LRRC8D: variants seen among roughly 807,000 people sequenced by gnomAD.
LRRC8D encodes the protein leucine rich repeat containing 8 VRAC subunit D.
Under a neutral mutation model 55.8 loss-of-function variants are expected in LRRC8D, and 20 were observed. The ratio of observed to expected loss-of-function variants is 0.36; its 90% CI spans 0.25 to 0.52. The LOEUF is 0.52. LRRC8D is among the 20% of genes least tolerant of loss of function. LRRC8D has a pLI of 0.93. For missense variants in LRRC8D, 651 were observed against 1,030.8 expected, an observed-to-expected ratio of 0.63 and a Z score of 5.05; for synonymous variants, 352 against 377.0, an observed-to-expected ratio of 0.93 and a Z score of 0.77.
rs57153222 is a variant in LRRC8D at position 89,897,006 on chromosome 1, T to C, written c.-2-36061T>C. ...TTTTGCAGATGGGGGTGCTGATTGA[T>C]ATTCAGAGAGTTAAATAATTTACTT... is the stretch of plus-strand genomic sequence containing the variant. On this transcript the variant is annotated intron_variant, in intron 2 of 2. Transcript: ENST00000337338. 7.2e-3 allele frequency among the ~76,000 whole-genome samples: 1,103 copies of C among 152,278 alleles called. 12 individuals are homozygous for C. The highest frequency in any genetic ancestry group is 0.026 in the African/African-American group (1,072 of 41,544).
intron 2 of LRRC8D, among the ~76,000 whole-genome samples, chr1:89,844,177 A>G (rs1193638069): frequency 1.3e-5 from 2 of 152,096 alleles, no homozygotes; most frequent in Non-Finnish European, 2.9e-5. Context: ...CATACACATA[A>G]ATGTCCTGGG....
At chr1:89,885,482 C>G (rs1352360532) in intron 2 of LRRC8D, among the ~76,000 whole-genome samples, 1 of 152,174 alleles carries the variant, frequency 6.6e-6, no homozygotes, top group Non-Finnish European at 1.5e-5. Flanking sequence ...AATTAATATC[C>G]TGACAGTGTT....
intron 1 of LRRC8D, among the ~76,000 whole-genome samples, chr1:89,829,613 A>C (rs542999269): frequency 3.3e-5 from 5 of 152,208 alleles, no homozygotes; most frequent in Non-Finnish European, 7.4e-5. Flanking sequence ...GAAAAAGAGA[A>C]TCAGGTTTTG....
At chr1:89,896,682 C>T (rs1662721870) in intron 2 of LRRC8D, among the ~76,000 whole-genome samples, 1 of 152,136 alleles carries the variant, frequency 6.6e-6, no homozygotes, top group South Asian at 2.1e-4. Context: ...AGGACAGAGT[C>T]CAGTCTAAGA....
intron 1 of LRRC8D, among the ~76,000 whole-genome samples, chr1:89,822,630 A>G (rs961701195): frequency 3.3e-5 from 5 of 152,132 alleles, no homozygotes; most frequent in Non-Finnish European, 7.3e-5. Flanking sequence ...GTTTGCAGTA[A>G]TGATGAGGGC....
chr1:89,890,768 G>T (rs2816862), intron 2 of LRRC8D, among the ~76,000 whole-genome samples: 50,868 of 152,134 alleles, frequency 0.33, 9,118 homozygotes, highest in African/African-American at 0.45. Flanking sequence ...GAAACCTTAT[G>T]CAAGTTTTGC....
intron 2 of LRRC8D, among the ~76,000 whole-genome samples, chr1:89,921,956 C>T (rs1236410465): frequency 2.0e-5 from 3 of 152,168 alleles, no homozygotes; most frequent in African/African-American, 7.2e-5. Flanking sequence ...CACCAAGCTA[C>T]CCACATTTAC....
chr1:89,882,843 G>T (rs1464083293), intron 2 of LRRC8D, among the ~76,000 whole-genome samples: 1 of 152,168 alleles, frequency 6.6e-6, no homozygotes, highest in Non-Finnish European at 1.5e-5. Flanking sequence ...AAAAGAAGAG[G>T]CATGCCAAAC....
intron 1 of LRRC8D, among the ~76,000 whole-genome samples, chr1:89,828,135 G>A (rs1337694057): frequency 6.6e-6 from 1 of 152,182 alleles, no homozygotes; most frequent in Non-Finnish European, 1.5e-5. Flanking sequence ...AAATGGGTTT[G>A]AAACATTTGT....
At chr1:89,856,323 ATCTC>A (rs201416981) in intron 2 of LRRC8D, among the ~76,000 whole-genome samples, 3 of 151,878 alleles carry the variant, frequency 2.0e-5, no homozygotes, top group Non-Finnish European at 1.5e-5. Flanking sequence ...TGCTACAGTA[ATCTC>A]TCTCTCTCAC....
At chr1:89,864,391 C>G (rs1317521321) in intron 2 of LRRC8D, among the ~76,000 whole-genome samples, 1 of 152,140 alleles carries the variant, frequency 6.6e-6, no homozygotes, top group Non-Finnish European at 1.5e-5. Context: ...TGTAATTCTT[C>G]CTTCATCTGA....
At chr1:89,828,637 G>A (rs1044362646) in intron 1 of LRRC8D, among the ~76,000 whole-genome samples, 9 of 152,124 alleles carry the variant, frequency 5.9e-5, no homozygotes, top group Non-Finnish European at 1.2e-4. Context: ...GAAATCAAAA[G>A]TCTGGGAACT....
intron 2 of LRRC8D, among the ~76,000 whole-genome samples, chr1:89,887,590 T>C (rs1404958656): frequency 2.0e-5 from 3 of 152,238 alleles, no homozygotes; most frequent in African/African-American, 7.2e-5. Flanking sequence ...ACTAAACTAG[T>C]TATCTTTCCC....
At chr1:89,827,412 G>T (rs540700086) in intron 1 of LRRC8D, among the ~76,000 whole-genome samples, 1 of 151,690 alleles carries the variant, frequency 6.6e-6, no homozygotes, top group African/African-American at 2.4e-5. Flanking sequence ...TTTTCACTGT[G>T]TTTTTTCCCC....
rs184639992 is a variant in LRRC8D, at chr1:89,919,600, A to G, written c.-2-13467A>G. Among the ~76,000 whole-genome samples the G allele has an allele frequency of 1.1e-3, 174 of 152,336 alleles. 1 individual carries two copies. Among genetic ancestry groups the G allele is most frequent in the African/African-American group, 4.1e-3 (169 of 41,592 alleles). On this transcript the variant is annotated intron_variant, in intron 2 of 2. Transcript: ENST00000337338. ...TAAAAATGCAAGCAAAGCTCCCATT[A>G]CAAATCCTACTAACTGTCTCATAAA...
chr1:89,844,696 T>C (rs1557446847), intron 2 of LRRC8D, among the ~76,000 whole-genome samples: 2 of 152,264 alleles, frequency 1.3e-5, no homozygotes, highest in East Asian at 3.9e-4. Context: ...GCTACAGACG[T>C]TTTGCATCTT....
intron 1 of LRRC8D, among the ~76,000 whole-genome samples, chr1:89,838,810 T>C (rs765326153): frequency 1.3e-5 from 2 of 152,236 alleles, no homozygotes; most frequent in South Asian, 2.1e-4. Context: ...ATCAGTCTTA[T>C]TATTTTATAA....
At chr1:89,842,214 G>A (rs866961077) in intron 1 of LRRC8D, among the ~76,000 whole-genome samples, 39 of 130,556 alleles carry the variant, frequency 3.0e-4, no homozygotes, top group Non-Finnish European at 3.5e-4. Context: ...CTCTGTCTCA[G>A]AAAAAAAAAA....
chr1:89,866,519 C>G (rs902386006), intron 2 of LRRC8D, among the ~76,000 whole-genome samples: 1 of 152,236 alleles, frequency 6.6e-6, no homozygotes, highest in Non-Finnish European at 1.5e-5. Context: ...AGAACACTTG[C>G]TTACAGCATT....
Sources: gnomAD v4.1 joint callset for allele counts (sites outside exome capture counted in the v4.1 genomes callset) on GRCh38, gnomAD v4.1.1 for gene constraint, MANE v1.5 for transcripts, NCBI Gene and HGNC (gene_info 2026-07-23, HGNC 2026-07-21) for gene names.